EPHB4: variants seen among roughly 807,000 people sequenced by gnomAD.
EPHB4 encodes the protein EPH receptor B4, also known as ephrin type-B receptor 4.
In EPHB4, 50 loss-of-function variants were observed where a neutral mutation model predicts 110.6. That is an observed-to-expected ratio of 0.45 (90% CI 0.36 to 0.57). The LOEUF (loss-of-function observed/expected upper bound fraction) is 0.57. Among genes scored for constraint, EPHB4 ranks in the 20% least tolerant of loss-of-function variants. The probability of loss-of-function intolerance (pLI) is 0.00; values close to 1 mark genes in which losing one functional copy is unlikely to be tolerated. For missense variants in EPHB4, 1,128 were observed against 1,382.1 expected (o/e 0.82, Z 2.91); for synonymous variants, 592 against 578.4 (o/e 1.02, Z -0.34).
At chr7:100,806,217 C>T (rs1157307564) in intron 14 of EPHB4, 3 of 518,450 alleles carry the variant, frequency 5.8e-6, no homozygotes, top group Non-Finnish European at 9.2e-6. Context: ...ACCTTGGCCT[C>T]CCAAAGTGCT....
rs1380060886 is a variant in EPHB4, at chr7:100,822,451, T to C, written c.628A>G (p.Thr210Ala). ...LTVNLTRFPE[T>A]VPRELVVPVA... ...GGCACAACCAGCTCCCGAGGCACAG[T>C]CTCCGGGAATCGAGTCAGGTTCACA... The change falls in exon 4 of 17, where the codon ACT (threonine) becomes GCT (alanine). Residue 210 changes from threonine (T) to alanine (A), a missense_variant. Thr to Ala is a moderately conservative substitution (Grantham distance 58). This residue lies in a region of EPHB4 where 728 missense variants were observed against 828.6 expected (regional missense o/e 0.88). Transcript: ENST00000358173. This position sits in a 1 kb window ranked among gnomAD's most constrained non-coding sequence, Gnocchi z 4.7. 1.2e-6 allele frequency: 2 copies of C among 1,607,102 alleles called. No homozygotes were observed. The highest frequency in any genetic ancestry group is 1.7e-6 in the Non-Finnish European group (2 of 1,175,334).
At chr7:100,811,107 G>A (rs1257882064) in intron 12 of EPHB4, among the ~76,000 whole-genome samples, 3 of 121,588 alleles carry the variant, frequency 2.5e-5, no homozygotes, top group Non-Finnish European at 5.8e-5. Flanking sequence ...AACATCAGCT[G>A]GGTATGGTGG....
At chr7:100,826,877 G>C (rs1269378029) in intron 1 of EPHB4, 102 bp downstream of exon 1, 3 of 1,372,248 alleles carry the variant, frequency 2.2e-6, no homozygotes, top group African/African-American at 1.4e-5. Context: ...GCAGTGCCCG[G>C]GTAGGGGTAG....
chr7:100,818,720 C>T (rs1236695435), intron 6 of EPHB4, 76 bp from the exon 7 acceptor site: 5 of 1,480,758 alleles, frequency 3.4e-6, no homozygotes, highest in South Asian at 1.3e-5. Context: ...TTTTTTTTTT[C>T]GAGACGGAGT....
rs865808431 is a variant in EPHB4, at chr7:100,825,941, C to G, written c.52+1038G>C. On this transcript the variant is annotated intron_variant, in intron 1 of 16. Coordinates refer to ENST00000358173, the MANE Select transcript of EPHB4 (RefSeq NM_004444.5). ...GTTCTCTGAGCTGGGCAAGCCTCCC[C>G]TCACTCCCAACCCCACACCTAGCCT... Among the ~76,000 whole-genome samples the G allele has an allele frequency of 5.3e-5, 8 of 152,216 alleles. No homozygotes were observed. In the South Asian group the frequency reaches 1.7e-3, roughly 32 times the overall value.
intron 16 of EPHB4, 95 bp downstream of exon 16, chr7:100,805,071 C>T (rs1812786469): frequency 1.4e-6 from 2 of 1,457,450 alleles, no homozygotes; most frequent in East Asian, 2.5e-5. Context: ...AGCATTGGCA[C>T]CCGAAGCTGA....
chr7:100,825,685 C>A (rs962847936), intron 1 of EPHB4, among the ~76,000 whole-genome samples: 2 of 152,184 alleles, frequency 1.3e-5, no homozygotes, highest in African/African-American at 4.8e-5. Context: ...GCCTCCTCAT[C>A]TGAAAAATGG....
At chr7:100,820,417 G>A in intron 4 of EPHB4, 121 bp from the exon 5 acceptor site, 2 of 1,274,786 alleles carry the variant, frequency 1.6e-6, no homozygotes, top group Non-Finnish European at 1.0e-6. Flanking sequence ...GATCGCTTGA[G>A]CCAAGGGGTT....
At position 100,824,280 on chromosome 7, in the gene EPHB4, C is replaced by G; in HGVS notation, c.53-7G>C. 11 of 1,612,904 alleles carry G rather than the reference C, an allele frequency of 6.8e-6. No homozygotes were observed. The highest frequency in any genetic ancestry group is 9.3e-6 in the Non-Finnish European group (11 of 1,179,734). On this transcript the variant is annotated splice_polypyrimidine_tract_variant and splice_region_variant and intron_variant, in intron 1 of 16. Coordinates refer to ENST00000358173, the MANE Select transcript of EPHB4 (RefSeq NM_004444.5). Reference sequence around the variant, plus strand: ...TTTGTGTTCAGCAGGGTCTCTGAGACAGACAGAGAGACAGAGTCAGTGCCT... The same window carrying G: ...TTTGTGTTCAGCAGGGTCTCTGAGAGAGACAGAGAGACAGAGTCAGTGCCT...
chr7:100,822,131 C>T lies in EPHB4; in HGVS notation c.808+140G>A. On this transcript the variant is annotated intron_variant, in intron 4 of 16. Coordinates refer to ENST00000358173, the MANE Select transcript of EPHB4 (RefSeq NM_004444.5). The surrounding 1 kb of genome is among the most constrained non-coding windows in gnomAD (Gnocchi z 4.7). ...CAGTTGAGCAGAGATTGTGCCACTG[C>T]ACTCCAGCCTGGGTGACAGAGCAAG... 1 of 1,244,182 alleles carries T rather than the reference C, an allele frequency of 8.0e-7. No homozygotes were observed. The highest frequency in any genetic ancestry group is 1.1e-6 in the Non-Finnish European group (1 of 925,446). The allele number at this position is 1,244,182 out of a possible 1,614,324, so 77.1% of individuals were successfully genotyped here.
chr7:100,822,902 G>T lies in EPHB4; in HGVS notation c.412-235C>A, dbSNP rs914509255. On this transcript the variant is annotated intron_variant, in intron 3 of 16. Coordinates refer to ENST00000358173, the MANE Select transcript of EPHB4 (RefSeq NM_004444.5). The surrounding 1 kb of genome is among the most constrained non-coding windows in gnomAD (Gnocchi z 4.7). Reference sequence around the variant, plus strand: ...CACCTCTCCCCCTTTTTATTCACTCGTTCTACAAACATTTACTGACACTGA... The same window carrying T: ...CACCTCTCCCCCTTTTTATTCACTCTTTCTACAAACATTTACTGACACTGA... Among the ~76,000 whole-genome samples the T allele has an allele frequency of 6.6e-6, 1 of 152,134 alleles. No homozygotes were observed. Among genetic ancestry groups the T allele is most frequent in the Non-Finnish European group, 1.5e-5 (1 of 68,032 alleles).
chr7:100,822,247 C>T lies in EPHB4; in HGVS notation c.808+24G>A, dbSNP rs1002172587. 3.9e-6 allele frequency: 6 copies of T among 1,545,738 alleles called. No individual in the cohort carries two copies. The highest frequency in any genetic ancestry group is 2.4e-5 in the South Asian group (2 of 83,744). On this transcript the variant is annotated intron_variant, in intron 4 of 16. Coordinates refer to ENST00000358173, the MANE Select transcript of EPHB4 (RefSeq NM_004444.5). The surrounding 1 kb of genome is among the most constrained non-coding windows in gnomAD (Gnocchi z 4.7). ...GACTCTCCCCCGGATGAGCAGCAGT[C>T]GCAGGGGAAGCTCCAGCTCTCACCT...
intron 16 of EPHB4, 111 bp downstream of exon 16, chr7:100,805,052 CAAG>C (rs2116411907): frequency 1.5e-6 from 2 of 1,350,626 alleles, no homozygotes; most frequent in African/African-American, 2.9e-5. Flanking sequence ...GAGCGCAGTG[CAAG>C]AAGACAGCAT....
At chr7:100,806,255 T>G in intron 14 of EPHB4, 165 bp downstream of exon 14, 1 of 854,232 alleles carries the variant, frequency 1.2e-6, no homozygotes, top group Non-Finnish European at 1.7e-6. Flanking sequence ...CCACTAGGCC[T>G]GGCCCTGTAT....
In EPHB4 at chr7:100,805,267, A is replaced by G; in HGVS notation, c.2733T>C (p.Ser911=). The G allele has an allele frequency of 1.9e-6, 3 of 1,613,824 alleles. No homozygotes were observed. Among genetic ancestry groups the G allele is most frequent in the Non-Finnish European group, 2.5e-6 (3 of 1,179,894 alleles). Residue 911 remains serine (S), a synonymous_variant, in exon 16 of 17, where the codon TCT becomes TCC. Transcript: ENST00000358173. The part of the protein sequence containing the change: ...QRQPHYSAFG[S]VGEWLRAIKM... ...TGATGGCCCGAAGCCACTCGCCCAC[A>G]GAGCCAAAAGCTGAGTAGTGAGGCT...
chr7:100,804,696 G>GGAAGGGAGAGGAAC (rs1377156862), intron 16 of EPHB4, among the ~76,000 whole-genome samples: 1 of 152,090 alleles, frequency 6.6e-6, no homozygotes, highest in East Asian at 1.9e-4. Flanking sequence ...AGGCAGAAAG[G>GGAAGGGAGAGGAAC]GGGAGTAGCA....
chr7:100,813,103 A>T lies in EPHB4; in HGVS notation c.1862T>A (p.Ile621Asn). 1 of 1,613,480 alleles carries T rather than the reference A, an allele frequency of 6.2e-7. No individual in the cohort carries two copies. Among genetic ancestry groups the T allele is most frequent in the Non-Finnish European group, 8.5e-7 (1 of 1,180,016 alleles). ...CAGCCTTCGGCTCTCACCTGCACCA[A>T]TCACCTCTTCAATCTTGACGTAGGA... ...DVSYVKIEEVIGAGEFGEVCR... is the reference protein window; with the variant it reads ...DVSYVKIEEVNGAGEFGEVCR... The change falls in exon 11 of 17, where the codon ATT becomes AAT. Residue 621 changes from isoleucine to asparagine, a missense_variant. Transcript: ENST00000358173.
At position 100,803,477 on chromosome 7, in the gene EPHB4, G is replaced by C. The variant is rs768926072; in HGVS notation, c.2948C>G (p.Pro983Arg). Residue 983 changes from proline to arginine, a missense_variant, in exon 17 of 17, where the codon CCG (proline) becomes CGG (arginine). By Grantham distance (103) the Pro-to-Arg change is moderately radical (BLOSUM62 -2). Transcript: ENST00000358173. ...KPGTPGGTGG[P>R]APQY ...TCCTGCAGGTCAGTACTGCGGGGCC[G>C]GTCCTCCTGTCCCACCCGGGGTTCC... 55 of 1,575,466 alleles carry C rather than the reference G, an allele frequency of 3.5e-5. No individual in the cohort carries two copies. In the African/African-American group the frequency reaches 7.4e-4, roughly 21 times the overall value.
chr7:100,824,093 T>C (rs976207166), intron 2 of EPHB4, 110 bp downstream of exon 2: 1 of 1,549,388 alleles, frequency 6.5e-7, no homozygotes, highest in Non-Finnish European at 8.8e-7. Context: ...GGGGCTGCTG[T>C]CATCTGGGGG....
Sources: gnomAD v4.1 joint callset for allele counts (sites outside exome capture counted in the v4.1 genomes callset) on GRCh38, gnomAD v4.1.1 for gene constraint, gnomAD v4.1.1 regional missense constraint, Gnocchi (gnomAD v3.1) non-coding constraint, MANE v1.5 for transcripts, NCBI Gene and HGNC (gene_info 2026-07-23, HGNC 2026-07-21) for gene names.